KSR2: variants seen among roughly 807,000 people sequenced by gnomAD.
KSR2 encodes the protein kinase suppressor of ras 2.
A neutral mutation model predicts 107.8 loss-of-function variants in KSR2; 25 were observed. That is an observed-to-expected ratio of 0.23 (90% CI 0.17 to 0.32). KSR2 has a LOEUF of 0.32. Ranked by LOEUF, KSR2 falls within the 10% of genes least tolerant of loss-of-function variation. KSR2 has a pLI of 1.00. For missense variants in KSR2, 887 were observed against 1,268.9 expected (o/e 0.70, Z 4.57); for synonymous variants, 480 against 507.0 (o/e 0.95, Z 0.71).
chr12:117,617,264 T>A (rs1881942510), intron 5 of KSR2, among the ~76,000 whole-genome samples: 1 of 152,236 alleles, frequency 6.6e-6, no homozygotes. Flanking sequence ...ACTTTTTGTT[T>A]CAATCTGGGT....
At chr12:117,927,779 G>A (rs1024390539) in intron 1 of KSR2, among the ~76,000 whole-genome samples, 6 of 152,102 alleles carry the variant, frequency 3.9e-5, no homozygotes, top group African/African-American at 4.8e-5. Flanking sequence ...ATGTGTACTC[G>A]TATAAAATTA....
chr12:117,568,389 T>A (rs1344444621), intron 7 of KSR2, among the ~76,000 whole-genome samples: 1 of 152,182 alleles, frequency 6.6e-6, no homozygotes, highest in East Asian at 1.9e-4. Context: ...ATTCTTATAC[T>A]CTGTTCTGCT....
chr12:117,865,805 C>T (rs1486633764), intron 1 of KSR2, among the ~76,000 whole-genome samples: 5 of 152,158 alleles, frequency 3.3e-5, no homozygotes, highest in African/African-American at 9.7e-5. Flanking sequence ...CTACCTTATG[C>T]AAACATCTGC....
chr12:117,879,418 A>G (rs943453280), intron 1 of KSR2, among the ~76,000 whole-genome samples: 8 of 152,264 alleles, frequency 5.3e-5, no homozygotes, highest in Non-Finnish European at 7.3e-5. Flanking sequence ...AAGGCTAGGC[A>G]TATTTATAAG....
At chr12:117,677,820 C>A (rs1051940786) in intron 4 of KSR2, among the ~76,000 whole-genome samples, 1 of 152,170 alleles carries the variant, frequency 6.6e-6, no homozygotes, top group Non-Finnish European at 1.5e-5. Context: ...AAATGTCTGA[C>A]GCACAGTGTG....
At chr12:117,501,826 T>C (rs150789867) in intron 14 of KSR2, among the ~76,000 whole-genome samples, 1 of 152,342 alleles carries the variant, frequency 6.6e-6, no homozygotes, top group African/African-American at 2.4e-5. Context: ...TGGAAGCATA[T>C]GTCAAGTCCA....
chr12:117,539,251 G>A (rs1037162903), intron 10 of KSR2, among the ~76,000 whole-genome samples: 17 of 152,194 alleles, frequency 1.1e-4, no homozygotes. Flanking sequence ...TCACATCTGG[G>A]TTAAGACTCA....
intron 3 of KSR2, among the ~76,000 whole-genome samples, chr12:117,800,387 C>T (rs7952860): frequency 1.3e-5 from 2 of 151,754 alleles, no homozygotes; most frequent in Admixed American, 6.6e-5. Flanking sequence ...TCTGCCCCCC[C>T]CAAAGCCTAA....
rs182803397 is a variant in KSR2 at position 117,545,517 on chromosome 12, T to A, written c.1519-5630A>T. Among the ~76,000 whole-genome samples, 18 of 152,242 alleles carry A rather than the reference T, an allele frequency of 1.2e-4. No individual in the cohort carries two copies. In the East Asian group the frequency reaches 2.1e-3, roughly 18 times the overall value. The stretch of plus-strand genomic sequence containing the variant: ...AATTATACATTTCATATTGGGTGAG[T>A]TGTGGAAGTTTGTGATTTTCAAGAA... On this transcript the variant is annotated intron_variant, in intron 9 of 19. Coordinates refer to ENST00000339824, the MANE Select transcript of KSR2 (RefSeq NM_173598.6).
chr12:117,813,010 T>C (rs934324615), intron 3 of KSR2, among the ~76,000 whole-genome samples: 1 of 151,646 alleles, frequency 6.6e-6, no homozygotes, highest in Non-Finnish European at 1.5e-5. Context: ...AATAGAGAAC[T>C]CAGAAATTAA....
intron 3 of KSR2, among the ~76,000 whole-genome samples, chr12:117,821,112 T>C (rs535765555): frequency 6.6e-6 from 1 of 152,322 alleles, no homozygotes; most frequent in South Asian, 2.1e-4. Flanking sequence ...TAGTTCATAA[T>C]GCTGTTGGGA....
At chr12:117,789,134 T>C (rs1986790) in intron 3 of KSR2, among the ~76,000 whole-genome samples, 84,341 of 152,098 alleles carry the variant, frequency 0.55, 24,933 homozygotes, top group African/African-American at 0.75. Flanking sequence ...TTTGAAAAAC[T>C]TGAAGTTGCT....
rs113983364 is a variant in KSR2 at position 117,790,544 on chromosome 12, C to T, written c.473-29020G>A. Among the ~76,000 whole-genome samples, 529 of 152,304 alleles carry T rather than the reference C, an allele frequency of 3.5e-3. 4 individuals are homozygous for T. Among genetic ancestry groups the T allele is most frequent in the African/African-American group, 0.012 (511 of 41,562 alleles). On this transcript the variant is annotated intron_variant, in intron 3 of 19. Transcript: ENST00000339824. ...GTCCCGCACCTGTGAATATCAGCTA[C>T]CCATTTACATTGCCAGGGTGAAATT...
intron 5 of KSR2, among the ~76,000 whole-genome samples, chr12:117,666,612 G>A (rs576234903): frequency 6.6e-6 from 1 of 152,352 alleles, no homozygotes; most frequent in South Asian, 2.1e-4. Context: ...CTGCCTGTGA[G>A]TGATTAGCAT....
chr12:117,622,541 C>T (rs1440214522), intron 5 of KSR2, among the ~76,000 whole-genome samples: 1 of 151,912 alleles, frequency 6.6e-6, no homozygotes, highest in Non-Finnish European at 1.5e-5. Flanking sequence ...AAGACAAGGT[C>T]AAGCAGGATG....
At chr12:117,824,835 C>T (rs376842844) in intron 3 of KSR2, among the ~76,000 whole-genome samples, 135 of 131,160 alleles carry the variant, frequency 1.0e-3, no homozygotes, top group Middle Eastern at 5.1e-3. Flanking sequence ...TCAGCCTGGG[C>T]GACAGAGCGA....
rs1870937302 is a variant in KSR2, at chr12:117,462,254, A to AAAAAAG, written c.*4939_*4944dup. 1 of 151,760 alleles carries AAAAAAG rather than the reference A, an allele frequency of 6.6e-6. No homozygotes were observed. Among genetic ancestry groups the AAAAAAG allele is most frequent in the African/African-American group, 2.4e-5 (1 of 41,296 alleles). 9.4% of individuals were successfully genotyped at this position (151,760 alleles called of 1,614,324 possible). A position where few individuals can be genotyped will look rare whatever the true frequency, so the allele number is the denominator to read the frequency against. ...TCCCCAACAAAAAAAAAAAAAAAAA[A>AAAAAAG]AAAAAGACATGTTGAAGTCCTCATT... On this transcript the variant is annotated 3_prime_UTR_variant, in exon 20 of 20. Transcript: ENST00000339824.
chr12:117,681,369 T>C (rs1223295462), intron 4 of KSR2, among the ~76,000 whole-genome samples: 1 of 152,042 alleles, frequency 6.6e-6, no homozygotes, highest in African/African-American at 2.4e-5. Context: ...AAGGCAGACC[T>C]GGCATTTTGG....
At chr12:117,713,578 T>C (rs1294984799) in intron 4 of KSR2, among the ~76,000 whole-genome samples, 1 of 152,000 alleles carries the variant, frequency 6.6e-6, no homozygotes, top group Non-Finnish European at 1.5e-5. Flanking sequence ...TCTACATTTG[T>C]GTAGTTTGCA....
Sources: gnomAD v4.1 joint callset for allele counts (sites outside exome capture counted in the v4.1 genomes callset) on GRCh38, gnomAD v4.1.1 for gene constraint, MANE v1.5 for transcripts, NCBI Gene and HGNC (gene_info 2026-07-23, HGNC 2026-07-21) for gene names.